Variants in ARMH3 observed in about 807,000 individuals in gnomAD.
The protein encoded by ARMH3 is armadillo-like helical domain-containing protein 3.
In ARMH3, 60 loss-of-function variants were observed where a neutral mutation model predicts 99.1. The observed-to-expected ratio is 0.61, with a 90% CI of 0.49 to 0.75. The LOEUF (loss-of-function observed/expected upper bound fraction) is 0.75. Among genes scored for constraint, ARMH3 ranks in the 30% least tolerant of loss-of-function variants. ARMH3 has a pLI of 0.00. For missense variants in ARMH3, 679 were observed against 843.1 expected (o/e 0.81, Z 2.41); for synonymous variants, 285 against 292.8 (o/e 0.97, Z 0.27).
intron 15 of ARMH3, among the ~76,000 whole-genome samples, chr10:101,999,726 T>C (rs1374749607): frequency 1.3e-5 from 2 of 152,168 alleles, no homozygotes; most frequent in African/African-American, 4.8e-5. Flanking sequence ...TCCTTAACTT[T>C]AGGTGATACA....
rs541329418 is a variant in ARMH3, at chr10:101,926,172, T to C, written c.1781+13691A>G. 3.9e-5 allele frequency among the ~76,000 whole-genome samples: 6 copies of C among 152,240 alleles called. No homozygotes were observed. The East Asian group carries it at 7.7e-4, about 20-fold the overall frequency. On this transcript the variant is annotated intron_variant, in intron 23 of 25. Coordinates refer to ENST00000370033, the MANE Select transcript of ARMH3 (RefSeq NM_024541.3). ...CTTAGCCATTCTGATATAAACCTGA[T>C]AATTTATTTTTTATTATTTTATTTT...
chr10:101,968,041 TA>T (rs879506217), intron 20 of ARMH3, among the ~76,000 whole-genome samples: 208 of 144,082 alleles, frequency 1.4e-3, no homozygotes, highest in Admixed American at 1.2e-3. Context: ...GTGTATCTGC[TA>T]AAAAAAAAAA....
chr10:101,946,071 C>CAAAAAAAAAAAAAAAAAAAAAAAAAAAAA (rs569179050), intron 22 of ARMH3, among the ~76,000 whole-genome samples: 1 of 34,486 alleles, frequency 2.9e-5, no homozygotes, highest in African/African-American at 2.4e-4. Context: ...GACTCTGCCT[C>CAAAAAAAAAAAAAAAAAAAAAAAAAAAAA]AAAAAAAAAA....
chr10:101,944,464 C>T (rs74763114), intron 22 of ARMH3, among the ~76,000 whole-genome samples: 11 of 151,484 alleles, frequency 7.3e-5, no homozygotes, highest in African/African-American at 2.2e-4. Flanking sequence ...AAGAAAACCA[C>T]GCCAAGGCAT....
rs181655187 is a variant in ARMH3, at chr10:102,017,212, G to A, written c.670-3188C>T. ...GCTGTGTTCATCTGGAATTCTTCACGTTCTTGTCAAAAACCTTCCTACTCC... is the reference window on the plus strand; with the variant it reads ...GCTGTGTTCATCTGGAATTCTTCACATTCTTGTCAAAAACCTTCCTACTCC... On this transcript the variant is annotated intron_variant, in intron 8 of 25. Transcript: ENST00000370033. 3.3e-5 allele frequency among the ~76,000 whole-genome samples: 5 copies of A among 152,248 alleles called. No individual in the cohort carries two copies. In the East Asian group the frequency reaches 5.8e-4, roughly 18 times the overall value.
At chr10:101,901,679 T>G (rs2067984274) in intron 23 of ARMH3, among the ~76,000 whole-genome samples, 2 of 152,004 alleles carry the variant, frequency 1.3e-5, no homozygotes, top group South Asian at 2.1e-4. Context: ...AGCCTGGGTG[T>G]GGATACTGTG....
intron 19 of ARMH3, among the ~76,000 whole-genome samples, chr10:101,990,084 T>G (rs1329075580): frequency 1.3e-5 from 2 of 152,126 alleles, no homozygotes; most frequent in African/African-American, 4.8e-5. Context: ...TTACCTCTTC[T>G]GAAAAGATGT....
At chr10:102,049,325 T>C (rs1040555325) in intron 1 of ARMH3, among the ~76,000 whole-genome samples, 2 of 152,104 alleles carry the variant, frequency 1.3e-5, no homozygotes, top group African/African-American at 4.8e-5. Flanking sequence ...GCGGATCACT[T>C]GAGGTCAGGA....
At chr10:102,021,537 C>A (rs1253562284) in intron 8 of ARMH3, among the ~76,000 whole-genome samples, 1 of 151,872 alleles carries the variant, frequency 6.6e-6, no homozygotes, top group African/African-American at 2.4e-5. Flanking sequence ...TGCATATCAC[C>A]ACAACCAGCT....
intron 20 of ARMH3, among the ~76,000 whole-genome samples, chr10:101,969,592 C>T (rs541994509): frequency 2.6e-5 from 4 of 152,338 alleles, no homozygotes; most frequent in African/African-American, 9.6e-5. Flanking sequence ...GGATCCAGAA[C>T]GCTGTGATAC....
chr10:102,028,404 T>TA (rs1359368464), intron 5 of ARMH3, among the ~76,000 whole-genome samples: 4 of 152,034 alleles, frequency 2.6e-5, no homozygotes. Flanking sequence ...AATAAATAAA[T>TA]ACGAGCATAC....
intron 2 of ARMH3, among the ~76,000 whole-genome samples, chr10:102,034,322 G>A (rs560077819): frequency 3.4e-4 from 51 of 152,226 alleles, no homozygotes; most frequent in African/African-American, 1.2e-3. Flanking sequence ...AGAAGCTGCT[G>A]GTTAATGGGT....
chr10:101,983,285 TTTTA>T (rs1379659094), intron 19 of ARMH3, among the ~76,000 whole-genome samples: 1 of 152,204 alleles, frequency 6.6e-6, no homozygotes, highest in Non-Finnish European at 1.5e-5. Flanking sequence ...TTTTATTTTA[TTTTA>T]TTTATTTTTT....
chr10:101,895,390 C>T (rs758531718), intron 23 of ARMH3, among the ~76,000 whole-genome samples: 12 of 151,898 alleles, frequency 7.9e-5, no homozygotes, highest in Non-Finnish European at 1.3e-4. Flanking sequence ...CGCCATTCTC[C>T]GGCATCAGCC....
At chr10:101,937,459 C>T (rs1341583535) in intron 23 of ARMH3, among the ~76,000 whole-genome samples, 2 of 150,182 alleles carry the variant, frequency 1.3e-5, no homozygotes, top group African/African-American at 2.5e-5. Flanking sequence ...GCGGAGGCTG[C>T]AGTGAGCAGA....
chr10:101,982,093 C>T (rs977320153), intron 19 of ARMH3, among the ~76,000 whole-genome samples: 1 of 148,978 alleles, frequency 6.7e-6, no homozygotes, highest in African/African-American at 2.5e-5. Flanking sequence ...TTTTACAGGC[C>T]GGGTATAGCG....
At chr10:101,948,508 G>A (rs940039005) in intron 22 of ARMH3, among the ~76,000 whole-genome samples, 1 of 152,180 alleles carries the variant, frequency 6.6e-6, no homozygotes, top group Non-Finnish European at 1.5e-5. Context: ...CTACCTGGGT[G>A]AAGGAGGATA....
At chr10:101,982,179 G>A (rs1055843241) in intron 19 of ARMH3, among the ~76,000 whole-genome samples, 3 of 151,606 alleles carry the variant, frequency 2.0e-5, no homozygotes, top group Non-Finnish European at 4.4e-5. Flanking sequence ...TCAGGAGTTT[G>A]ACACCAACCT....
intron 2 of ARMH3, among the ~76,000 whole-genome samples, chr10:102,034,178 C>T (rs1398894637): frequency 6.6e-6 from 1 of 152,188 alleles, no homozygotes; most frequent in Non-Finnish European, 1.5e-5. Context: ...CCTCCATATG[C>T]ATTTAGTATT....
Sources: allele counts gnomAD v4.1 joint callset (sites outside exome capture counted in the v4.1 genomes callset), GRCh38; gene constraint gnomAD v4.1.1; transcripts MANE v1.5; gene names NCBI Gene and HGNC (gene_info 2026-07-23, HGNC 2026-07-21).